Variants in ARID1B observed in about 807,000 individuals in gnomAD.
ARID1B encodes AT-rich interactive domain-containing protein 1B.
A neutral mutation model predicts 212.3 loss-of-function variants in ARID1B; 30 were observed. That is an observed-to-expected ratio of 0.14 (90% CI 0.11 to 0.19). ARID1B has a LOEUF of 0.19. ARID1B is among the 10% of genes least tolerant of loss of function. ARID1B has a pLI of 1.00. For synonymous variants in ARID1B, 1,402 were observed against 1,301.7 expected, an observed-to-expected ratio of 1.08 and a Z score of -1.66; for missense variants, 2,891 against 3,204.0, an observed-to-expected ratio of 0.90 and a Z score of 2.36.
At chr6:156,803,079 A>T (rs1032713165) in intron 1 of ARID1B, among the ~76,000 whole-genome samples, 5 of 151,866 alleles carry the variant, frequency 3.3e-5, no homozygotes, top group Non-Finnish European at 7.4e-5. Context: ...GTTTTTTTTT[A>T]AATTACTGCT....
intron 2 of ARID1B, among the ~76,000 whole-genome samples, chr6:156,841,389 C>T (rs1783891700): frequency 2.0e-5 from 3 of 152,232 alleles, no homozygotes; most frequent in Non-Finnish European, 2.9e-5. Context: ...TAAAAATCAT[C>T]CCTGTGTGCT....
At chr6:157,074,048 A>G (rs1292452311) in intron 4 of ARID1B, among the ~76,000 whole-genome samples, 3 of 152,204 alleles carry the variant, frequency 2.0e-5, no homozygotes, top group African/African-American at 7.2e-5. Context: ...TATTGTAATC[A>G]TCCCCATCCC....
chr6:157,116,846 A>G (rs1787349957), intron 6 of ARID1B, among the ~76,000 whole-genome samples: 1 of 152,222 alleles, frequency 6.6e-6, no homozygotes, highest in Non-Finnish European at 1.5e-5. Flanking sequence ...GAGGAGTTGT[A>G]GTCAAAGCAC....
chr6:156,859,573 C>A (rs1022449438), intron 2 of ARID1B, among the ~76,000 whole-genome samples: 2 of 152,024 alleles, frequency 1.3e-5, no homozygotes, highest in African/African-American at 4.8e-5. Flanking sequence ...TGTAGTGCAC[C>A]TGTGTAAAGG....
intron 4 of ARID1B, among the ~76,000 whole-genome samples, chr6:157,041,054 G>A (rs1426335085): frequency 6.6e-6 from 1 of 152,140 alleles, no homozygotes; most frequent in African/African-American, 2.4e-5. Flanking sequence ...AATAAAAAAT[G>A]GGTGAATATA....
chr6:156,889,840 T>C (rs1582882486), intron 2 of ARID1B, among the ~76,000 whole-genome samples: 1 of 152,296 alleles, frequency 6.6e-6, no homozygotes, highest in Admixed American at 6.5e-5. Flanking sequence ...TTTGGGCTGA[T>C]ATAATTGACT....
At chr6:156,840,983 T>G (rs1783859644) in intron 2 of ARID1B, among the ~76,000 whole-genome samples, 1 of 152,190 alleles carries the variant, frequency 6.6e-6, no homozygotes, top group Non-Finnish European at 1.5e-5. Flanking sequence ...CCAACACCAG[T>G]CATTCAACAG....
At chr6:157,021,623 C>T (rs538757835) in intron 4 of ARID1B, among the ~76,000 whole-genome samples, 15 of 152,260 alleles carry the variant, frequency 9.9e-5, no homozygotes. Flanking sequence ...CGGCGCCGCG[C>T]CGCGCACAGA....
At chr6:157,079,097 A>AAT (rs1466868188) in intron 4 of ARID1B, among the ~76,000 whole-genome samples, 26 of 152,348 alleles carry the variant, frequency 1.7e-4, no homozygotes, top group African/African-American at 6.3e-4. Context: ...TGAGAAAATA[A>AAT]ATACATATTT....
At position 156,871,671 on chromosome 6, in the gene ARID1B, G is replaced by T. The variant is rs769689386; in HGVS notation, c.1987-29705G>T. The T allele has an allele frequency of 3.7e-6, 6 of 1,609,482 alleles. No individual in the cohort carries two copies. In the South Asian group the frequency reaches 6.7e-5, roughly 18 times the overall value. ...CTGGTTGGCAAGTATCTTCTTACAT[G>T]CTCTTACTTGCTCCAAGTCTTTGGG... On this transcript the variant is annotated intron_variant, in intron 2 of 19. Transcript: ENST00000636930.
chr6:157,032,566 A>G (rs1781081798), intron 4 of ARID1B, among the ~76,000 whole-genome samples: 1 of 152,094 alleles, frequency 6.6e-6, no homozygotes, highest in Non-Finnish European at 1.5e-5. Flanking sequence ...ATGTTGAGAA[A>G]CCTAGGTGTA....
At chr6:156,802,369 TATTC>T (rs1780852048) in intron 1 of ARID1B, among the ~76,000 whole-genome samples, 1 of 152,256 alleles carries the variant, frequency 6.6e-6, no homozygotes. Context: ...TATTCTTTCG[TATTC>T]ATTCATTGTG....
At chr6:157,146,220 C>A (rs533931442) in intron 7 of ARID1B, among the ~76,000 whole-genome samples, 2 of 152,212 alleles carry the variant, frequency 1.3e-5, no homozygotes, top group African/African-American at 4.8e-5. Flanking sequence ...CAATGAAACC[C>A]CCATCAAGTG....
chr6:157,026,943 A>G (rs1213825715), intron 4 of ARID1B, among the ~76,000 whole-genome samples: 1 of 152,214 alleles, frequency 6.6e-6, no homozygotes, highest in Non-Finnish European at 1.5e-5. Context: ...TGTATTAGGT[A>G]GCCTCAGTTT....
intron 4 of ARID1B, among the ~76,000 whole-genome samples, chr6:157,012,706 G>A (rs534729339): frequency 3.3e-5 from 5 of 152,214 alleles, no homozygotes; most frequent in South Asian, 2.1e-4. Flanking sequence ...TTTGGCTTCC[G>A]TTTTCCTCAT....
intron 1 of ARID1B, among the ~76,000 whole-genome samples, chr6:156,814,143 T>A (rs532759790): frequency 1.7e-4 from 26 of 152,018 alleles, no homozygotes; most frequent in Non-Finnish European, 3.5e-4. Flanking sequence ...ACATCTGGAG[T>A]GGTGGCTCAC....
chr6:157,058,156 C>A (rs1197679183), intron 4 of ARID1B, among the ~76,000 whole-genome samples: 1 of 152,188 alleles, frequency 6.6e-6, no homozygotes, highest in Non-Finnish European at 1.5e-5. Flanking sequence ...CCTCACTTCA[C>A]CTCCAGTAGG....
At chr6:156,818,919 G>A (rs1782162710) in intron 1 of ARID1B, among the ~76,000 whole-genome samples, 1 of 151,418 alleles carries the variant, frequency 6.6e-6, no homozygotes, top group South Asian at 2.1e-4. Flanking sequence ...ATATAATAAT[G>A]ATGATAATAA....
intron 4 of ARID1B, among the ~76,000 whole-genome samples, chr6:157,055,361 G>A (rs1210646939): frequency 2.0e-5 from 3 of 151,642 alleles, no homozygotes; most frequent in Admixed American, 6.6e-5. Flanking sequence ...TGTCTTTGTC[G>A]TTTAAATTCA....
Sources: allele counts gnomAD v4.1 joint callset (sites outside exome capture counted in the v4.1 genomes callset), GRCh38; gene constraint gnomAD v4.1.1; transcripts MANE v1.5; gene names NCBI Gene and HGNC (gene_info 2026-07-23, HGNC 2026-07-21).